Variants in WDPCP observed in about 807,000 individuals in gnomAD.
The protein encoded by WDPCP is WD repeat containing planar cell polarity effector.
Under a neutral mutation model 93.1 loss-of-function variants are expected in WDPCP, and 71 were observed. The observed-to-expected ratio is 0.76, with a 90% CI of 0.63 to 0.93. WDPCP has a LOEUF of 0.93. Ranked by LOEUF, WDPCP falls within the 40% of genes least tolerant of loss-of-function variation. The probability of loss-of-function intolerance (pLI) is 0.00; values close to 1 mark genes in which losing one functional copy is unlikely to be tolerated. For synonymous variants in WDPCP, 315 were observed against 315.0 expected (o/e 1.00, Z 0.00); for missense variants, 844 against 887.4 (o/e 0.95, Z 0.62).
chr2:63,563,251 TCTA>T (rs1329686415), intron 1 of WDPCP, among the ~76,000 whole-genome samples: 1 of 152,064 alleles, frequency 6.6e-6, no homozygotes, highest in African/African-American at 2.4e-5. Flanking sequence ...CACGATCTCT[TCTA>T]CTACTAATTC....
intron 10 of WDPCP, among the ~76,000 whole-genome samples, chr2:63,386,202 G>A (rs1692717910): frequency 6.6e-6 from 1 of 151,920 alleles, no homozygotes; most frequent in Non-Finnish European, 1.5e-5. Context: ...AGAACATTAT[G>A]AACTGAATTT....
chr2:63,745,670 T>G (rs995983292), intron 2 of WDPCP, among the ~76,000 whole-genome samples: 1 of 148,272 alleles, frequency 6.7e-6, no homozygotes, highest in Admixed American at 6.7e-5. Flanking sequence ...ACACACACAC[T>G]TGTACTCCAT....
At chr2:63,132,059 C>T (rs989051689) in intron 17 of WDPCP, among the ~76,000 whole-genome samples, 17 of 152,016 alleles carry the variant, frequency 1.1e-4, no homozygotes, top group African/African-American at 4.1e-4. Context: ...TGGTCTTGAA[C>T]TCCTGATCTC....
At chr2:63,268,020 C>A (rs1463334084) in intron 13 of WDPCP, among the ~76,000 whole-genome samples, 1 of 152,118 alleles carries the variant, frequency 6.6e-6, no homozygotes, top group East Asian at 1.9e-4. Flanking sequence ...TGTTGGTACT[C>A]CCATATATTT....
chr2:63,391,404 A>G (rs1447988096), intron 10 of WDPCP, among the ~76,000 whole-genome samples: 1 of 152,178 alleles, frequency 6.6e-6, no homozygotes, highest in Non-Finnish European at 1.5e-5. Context: ...AAACAATAAG[A>G]GCTATTTATG....
At chr2:63,747,870 C>T (rs1669822301) in intron 2 of WDPCP, among the ~76,000 whole-genome samples, 1 of 151,984 alleles carries the variant, frequency 6.6e-6, no homozygotes, top group Non-Finnish European at 1.5e-5. Flanking sequence ...TTAGGGACAA[C>T]AGATATCTTT....
intron 2 of WDPCP, among the ~76,000 whole-genome samples, chr2:63,782,740 A>ATGTGTGTGTGTGTGTGTGTGTG (rs70965143): frequency 2.8e-5 from 4 of 141,134 alleles, no homozygotes; most frequent in Admixed American, 7.1e-5. Flanking sequence ...CACAGGCAAC[A>ATGTGTGTGTGTGTGTGTGTGTG]TGTGTGTGTG....
chr2:63,788,578 T>C (rs1670501786), intron 2 of WDPCP, among the ~76,000 whole-genome samples: 1 of 152,190 alleles, frequency 6.6e-6, no homozygotes, highest in Admixed American at 6.5e-5. Context: ...TTTTACTTAC[T>C]TGTATCATTC....
chr2:63,259,149 T>C (rs928417926), intron 14 of WDPCP, among the ~76,000 whole-genome samples, 158 bp downstream of exon 14: 1 of 152,196 alleles, frequency 6.6e-6, no homozygotes, highest in Non-Finnish European at 1.5e-5. Flanking sequence ...TGTATCAACA[T>C]TGTGCTGTTT....
chr2:63,833,630 A>G, the WDPCP span, among the ~76,000 whole-genome samples: 4 of 152,340 alleles, frequency 2.6e-5, no homozygotes, highest in East Asian at 1.9e-4. Context: ...CTAATCTAGA[A>G]TATCATCTAT....
intron 14 of WDPCP, among the ~76,000 whole-genome samples, chr2:63,256,433 AAAAG>A (rs1270316926): frequency 6.6e-6 from 1 of 152,184 alleles, no homozygotes; most frequent in Non-Finnish European, 1.5e-5. Context: ...GCTAAAATAA[AAAAG>A]AGAGACAATA....
At chr2:63,575,370 G>GTATATACACGA (rs1558831290) in intron 1 of WDPCP, among the ~76,000 whole-genome samples, 41 of 128,382 alleles carry the variant, frequency 3.2e-4, no homozygotes, top group South Asian at 4.9e-4. Context: ...AGTATATACA[G>GTATATACACGA]TATATACAGT....
intron 12 of WDPCP, among the ~76,000 whole-genome samples, chr2:63,330,801 T>A (rs1226509120): frequency 6.6e-6 from 1 of 151,884 alleles, no homozygotes; most frequent in East Asian, 1.9e-4. Context: ...TTTTGCTGCA[T>A]CTAGTTATGT....
At chr2:63,635,770 A>C (rs1709914490) in intron 3 of WDPCP, among the ~76,000 whole-genome samples, 1 of 152,208 alleles carries the variant, frequency 6.6e-6, no homozygotes, top group Admixed American at 6.5e-5. Context: ...GAAAATCTGA[A>C]AGGTTTTCCT....
chr2:63,415,554 T>C (rs1267880829), intron 9 of WDPCP, among the ~76,000 whole-genome samples: 1 of 152,190 alleles, frequency 6.6e-6, no homozygotes, highest in East Asian at 1.9e-4. Flanking sequence ...GGGTCAGAGA[T>C]GGTATAAATT....
chr2:63,591,675 A>T (rs1709204247), upstream of WDPCP, among the ~76,000 whole-genome samples: 1 of 152,166 alleles, frequency 6.6e-6, no homozygotes, highest in South Asian at 2.1e-4. Flanking sequence ...TCCTTCATTC[A>T]ACAAATACTT....
chr2:63,608,655 T>G (rs1558865536), intron 3 of WDPCP, among the ~76,000 whole-genome samples: 1 of 151,708 alleles, frequency 6.6e-6, no homozygotes, highest in Non-Finnish European at 1.5e-5. Context: ...CAAAAAAATT[T>G]AAAAATTAGC....
chr2:63,787,931 T>C (rs756682951), intron 2 of WDPCP, among the ~76,000 whole-genome samples: 12 of 152,000 alleles, frequency 7.9e-5, no homozygotes, highest in Non-Finnish European at 1.6e-4. Context: ...TCCCAGCTAC[T>C]TGGGAGACTG....
At chr2:63,730,061 G>C (rs1018597003) in intron 2 of WDPCP, among the ~76,000 whole-genome samples, 1 of 152,270 alleles carries the variant, frequency 6.6e-6, no homozygotes, top group Middle Eastern at 3.4e-3. Context: ...AGTAGTTTCA[G>C]ATACTAGGAG....
Sources: gnomAD v4.1 joint callset for allele counts (sites outside exome capture counted in the v4.1 genomes callset) on GRCh38, gnomAD v4.1.1 for gene constraint, MANE v1.5 for transcripts, NCBI Gene and HGNC (gene_info 2026-07-23, HGNC 2026-07-21) for gene names.